The following SHISA6 variants were observed in gnomAD, a reference collection of about 807,000 sequenced individuals.
SHISA6 encodes the protein shisa family member 6.
Under a neutral mutation model 47.9 loss-of-function variants are expected in SHISA6, and 22 were observed. The observed-to-expected ratio is 0.46, with a 90% CI of 0.33 to 0.66. The LOEUF is 0.66. SHISA6 is among the 30% of genes least tolerant of loss of function. The probability of loss-of-function intolerance (pLI) is 0.02; values close to 1 mark genes in which losing one functional copy is unlikely to be tolerated. For missense variants in SHISA6, 680 were observed against 764.6 expected (o/e 0.89, Z 1.30); for synonymous variants, 388 against 337.8 (o/e 1.15, Z -1.63).
At chr17:11,402,360 G>A (rs958152754) in intron 3 of SHISA6, among the ~76,000 whole-genome samples, 1 of 152,126 alleles carries the variant, frequency 6.6e-6, no homozygotes, top group African/African-American at 2.4e-5. Context: ...TAAAAAATTA[G>A]GTTTCTTATT....
chr17:11,358,028 A>G (rs2142226708), intron 2 of SHISA6, among the ~76,000 whole-genome samples: 1 of 152,314 alleles, frequency 6.6e-6, no homozygotes, highest in South Asian at 2.1e-4. Context: ...TTAAATTTTT[A>G]ATTACGGTAA....
intron 3 of SHISA6, among the ~76,000 whole-genome samples, chr17:11,441,210 C>A (rs1915085667): frequency 6.6e-6 from 1 of 152,190 alleles, no homozygotes; most frequent in African/African-American, 2.4e-5. Flanking sequence ...AGGCTGATTT[C>A]TCTGAAACAG....
At chr17:11,326,558 A>G (rs1346693547) in intron 2 of SHISA6, among the ~76,000 whole-genome samples, 2 of 152,344 alleles carry the variant, frequency 1.3e-5, no homozygotes, top group Admixed American at 6.5e-5. Context: ...TCAACCATTC[A>G]TAATGACATG....
chr17:11,514,159 T>C (rs921164967), intron 3 of SHISA6, among the ~76,000 whole-genome samples: 2 of 152,144 alleles, frequency 1.3e-5, no homozygotes, highest in Non-Finnish European at 2.9e-5. Flanking sequence ...CTATTGTACC[T>C]TAGCTGTGAT....
At chr17:11,331,129 G>A (rs945359588) in intron 2 of SHISA6, among the ~76,000 whole-genome samples, 2 of 152,128 alleles carry the variant, frequency 1.3e-5, no homozygotes, top group South Asian at 2.1e-4. Context: ...CAGGGTGATC[G>A]GCCTCTCCAC....
At chr17:11,402,248 C>G (rs1050583805) in intron 3 of SHISA6, among the ~76,000 whole-genome samples, 3 of 152,204 alleles carry the variant, frequency 2.0e-5, no homozygotes, top group Non-Finnish European at 4.4e-5. Flanking sequence ...TCCTTAGGAA[C>G]TACACGGCTT....
chr17:11,427,376 G>T (rs181262595), intron 3 of SHISA6, among the ~76,000 whole-genome samples: 8 of 152,138 alleles, frequency 5.3e-5, no homozygotes, highest in Non-Finnish European at 1.2e-4. Flanking sequence ...CTTGTGATCC[G>T]CCCATCTTGG....
chr17:11,545,331 C>T (rs1357037694), intron 3 of SHISA6, among the ~76,000 whole-genome samples: 1 of 151,958 alleles, frequency 6.6e-6, no homozygotes, highest in African/African-American at 2.4e-5. Context: ...ATAACATTCA[C>T]GAAATAGCAA....
At chr17:11,266,624 C>G (rs913274651) in intron 2 of SHISA6, among the ~76,000 whole-genome samples, 4 of 152,110 alleles carry the variant, frequency 2.6e-5, no homozygotes, top group East Asian at 3.9e-4. Context: ...TCAGTTAAAC[C>G]AAGTAAAGCA....
intron 2 of SHISA6, among the ~76,000 whole-genome samples, chr17:11,368,914 C>T (rs1912537774): frequency 6.6e-6 from 1 of 152,324 alleles, no homozygotes; most frequent in Non-Finnish European, 1.5e-5. Flanking sequence ...CTCAGCCTCC[C>T]AAAGTGCTGG....
At chr17:11,404,772 G>A (rs1485973258) in intron 3 of SHISA6, among the ~76,000 whole-genome samples, 1 of 152,204 alleles carries the variant, frequency 6.6e-6, no homozygotes, top group Non-Finnish European at 1.5e-5. Flanking sequence ...CCACACTGAA[G>A]TTGTGAGTCA....
At chr17:11,280,759 T>C (rs1909089405) in intron 2 of SHISA6, among the ~76,000 whole-genome samples, 1 of 152,202 alleles carries the variant, frequency 6.6e-6, no homozygotes, top group Non-Finnish European at 1.5e-5. Flanking sequence ...TCAGGCCTCA[T>C]AGGAGAGGGA....
rs1374707111 is a variant in SHISA6 at position 11,397,266 on chromosome 17, A to G, written c.895+17757A>G. On this transcript the variant is annotated intron_variant, in intron 3 of 5. Coordinates refer to ENST00000441885, the MANE Select transcript of SHISA6 (RefSeq NM_207386.4). Reference sequence around the variant, plus strand: ...ATTTCTTAACTTACACTTCCTGCCTATACAACAATCAATGTGATTATTCTA... The same window carrying G: ...ATTTCTTAACTTACACTTCCTGCCTGTACAACAATCAATGTGATTATTCTA... Among the ~76,000 whole-genome samples the G allele has an allele frequency of 1.6e-4, 24 of 152,112 alleles. 1 individual carries two copies. Among genetic ancestry groups the G allele is most frequent in the Non-Finnish European group, 1.5e-5 (1 of 68,024 alleles).
intron 1 of SHISA6, among the ~76,000 whole-genome samples, chr17:11,259,418 A>C (rs1407791347): frequency 6.6e-6 from 1 of 152,254 alleles, no homozygotes; most frequent in East Asian, 1.9e-4. Flanking sequence ...TGTCTGGGAC[A>C]TAGTAATCAC....
intron 2 of SHISA6, among the ~76,000 whole-genome samples, chr17:11,316,791 T>A (rs959396390): frequency 6.6e-6 from 1 of 152,232 alleles, no homozygotes; most frequent in African/African-American, 2.4e-5. Context: ...AGTTGATAAC[T>A]TTTCCTCTGA....
intron 2 of SHISA6, among the ~76,000 whole-genome samples, chr17:11,341,337 T>A (rs942060525): frequency 6.9e-5 from 10 of 144,008 alleles, no homozygotes; most frequent in African/African-American, 2.3e-4. Flanking sequence ...TCTTTTTTTT[T>A]TTTTTTTTTT....
chr17:11,265,659 G>C (rs1173293403), intron 2 of SHISA6, among the ~76,000 whole-genome samples: 1 of 152,132 alleles, frequency 6.6e-6, no homozygotes, highest in East Asian at 1.9e-4. Context: ...ACCTTGTTGT[G>C]ACTCTGAAAC....
intron 3 of SHISA6, among the ~76,000 whole-genome samples, chr17:11,538,793 A>G (rs1040266319): frequency 6.6e-6 from 1 of 152,324 alleles, no homozygotes; most frequent in East Asian, 1.9e-4. Context: ...GTGGTAGTTA[A>G]AATACTTGCA....
intron 2 of SHISA6, among the ~76,000 whole-genome samples, chr17:11,325,368 A>ACC (rs200804528): frequency 1.1e-4 from 17 of 151,922 alleles, no homozygotes. Flanking sequence ...AAACTAGGTT[A>ACC]CCCTCCCCAC....
Sources: allele counts gnomAD v4.1 joint callset (sites outside exome capture counted in the v4.1 genomes callset), GRCh38; gene constraint gnomAD v4.1.1; transcripts MANE v1.5; gene names NCBI Gene and HGNC (gene_info 2026-07-23, HGNC 2026-07-21).